The following CTNNBL1 variants were observed in gnomAD, a reference collection of about 807,000 sequenced individuals.
CTNNBL1 encodes the protein catenin beta like 1.
CTNNBL1 carries 31 observed loss-of-function variants against 72.7 expected under a neutral mutation model. That is an observed-to-expected ratio of 0.43 (90% CI 0.32 to 0.58). The LOEUF is 0.58. CTNNBL1 is among the 20% of genes least tolerant of loss of function. CTNNBL1 has a pLI of 0.08. For missense variants in CTNNBL1, 534 were observed against 725.1 expected, an observed-to-expected ratio of 0.74 and a Z score of 3.03; for synonymous variants, 240 against 267.3, an observed-to-expected ratio of 0.90 and a Z score of 1.00.
rs1042937013 is a variant in CTNNBL1, at chr20:37,694,066, G to T, written c.-57G>T. On this transcript the variant is annotated 5_prime_UTR_variant, in exon 1 of 16. Coordinates refer to ENST00000361383, the MANE Select transcript of CTNNBL1 (RefSeq NM_030877.5). ...CAGTGTGGCTGGAGCCGCGGCTGAC[G>T]GGCCCGCGGTCTGGGCGTGAGTGCA... The T allele has an allele frequency of 1.8e-5, 29 of 1,576,078 alleles. No individual in the cohort carries two copies. The highest frequency in any genetic ancestry group is 1.8e-4 in the African/African-American group (13 of 73,524).
intron 11 of CTNNBL1, among the ~76,000 whole-genome samples, chr20:37,836,681 GTGT>G (rs2033251776): frequency 6.6e-6 from 1 of 152,224 alleles, no homozygotes; most frequent in African/African-American, 2.4e-5. Flanking sequence ...TAGGGAGGGT[GTGT>G]TGTTTGTTTA....
intron 10 of CTNNBL1, among the ~76,000 whole-genome samples, chr20:37,786,170 ACCACTGTGG>A (rs1352202015): frequency 2.0e-5 from 3 of 152,124 alleles, no homozygotes; most frequent in African/African-American, 7.2e-5. Flanking sequence ...ACAAGCAAGC[ACCACTGTGG>A]CCACCACTGG....
At chr20:37,858,610 G>A (rs1175871636) in intron 13 of CTNNBL1, among the ~76,000 whole-genome samples, 2 of 146,310 alleles carry the variant, frequency 1.4e-5, no homozygotes, top group African/African-American at 5.0e-5. Flanking sequence ...TTGGGGGATG[G>A]TAAAGATGTT....
At position 37,814,564 on chromosome 20, in the gene CTNNBL1, TC is replaced by T. The variant is rs76181193; in HGVS notation, c.1213+11521del. On this transcript the variant is annotated intron_variant, in intron 11 of 15. Coordinates refer to ENST00000361383, the MANE Select transcript of CTNNBL1 (RefSeq NM_030877.5). Reference sequence around the variant, plus strand: ...AGCATTCTGGCCTTTCTCTCTGTTGTCCCCCTCTTGAGAATGAGACATAAAT... The same window carrying T: ...AGCATTCTGGCCTTTCTCTCTGTTGTCCCCTCTTGAGAATGAGACATAAAT... Among the ~76,000 whole-genome samples the T allele has an allele frequency of 4.2e-3, 644 of 152,282 alleles. 17 individuals carry two copies. In the East Asian group the frequency reaches 0.084, roughly 20 times the overall value.
chr20:37,770,712 G>A (rs767967475), intron 7 of CTNNBL1, among the ~76,000 whole-genome samples: 10 of 152,082 alleles, frequency 6.6e-5, no homozygotes, highest in Non-Finnish European at 1.2e-4. Flanking sequence ...TGTAATCCTC[G>A]GGGCACAAAT....
chr20:37,709,427 A>G (rs1279092921), intron 1 of CTNNBL1, among the ~76,000 whole-genome samples: 1 of 152,228 alleles, frequency 6.6e-6, no homozygotes, highest in African/African-American at 2.4e-5. Flanking sequence ...GTTAAACATT[A>G]GCAGCACACC....
chr20:37,835,659 T>C (rs2072247072), intron 11 of CTNNBL1, among the ~76,000 whole-genome samples: 1 of 152,228 alleles, frequency 6.6e-6, no homozygotes, highest in Non-Finnish European at 1.5e-5. Context: ...TTAAGAATAT[T>C]TGTGCAAAAG....
chr20:37,836,150 T>G (rs1050746972), intron 11 of CTNNBL1, among the ~76,000 whole-genome samples: 1 of 152,196 alleles, frequency 6.6e-6, no homozygotes, highest in Non-Finnish European at 1.5e-5. Context: ...TGTGGTTGTG[T>G]GTAAATTCAT....
intron 13 of CTNNBL1, among the ~76,000 whole-genome samples, chr20:37,853,087 G>A (rs183763954): frequency 6.6e-6 from 1 of 152,242 alleles, no homozygotes; most frequent in African/African-American, 2.4e-5. Context: ...GGGGAAGCTG[G>A]GTGCCTTCTT....
intron 7 of CTNNBL1, among the ~76,000 whole-genome samples, chr20:37,770,066 G>C (rs958788821): frequency 2.6e-5 from 4 of 152,186 alleles, no homozygotes; most frequent in African/African-American, 9.7e-5. Flanking sequence ...CATTTGCCTA[G>C]CAGAGGTCAG....
intron 1 of CTNNBL1, among the ~76,000 whole-genome samples, chr20:37,712,709 C>T (rs1197429240): frequency 6.6e-6 from 1 of 152,240 alleles, no homozygotes; most frequent in Non-Finnish European, 1.5e-5. Flanking sequence ...TGCTGGATCT[C>T]CACTGGGAGT....
At chr20:37,783,419 TCTTA>T (rs904279339) in intron 10 of CTNNBL1, among the ~76,000 whole-genome samples, 3 of 152,144 alleles carry the variant, frequency 2.0e-5, no homozygotes, top group East Asian at 1.9e-4. Context: ...TTTGGTTGGC[TCTTA>T]CTTTTCTAAT....
chr20:37,772,377 G>A (rs1031877470), intron 7 of CTNNBL1, among the ~76,000 whole-genome samples: 5 of 152,278 alleles, frequency 3.3e-5, no homozygotes, highest in East Asian at 1.9e-4. Flanking sequence ...TTGAGACGGA[G>A]TCTCACTCTG....
At chr20:37,858,984 TG>T (rs1371369797) in intron 13 of CTNNBL1, among the ~76,000 whole-genome samples, 1 of 152,184 alleles carries the variant, frequency 6.6e-6, no homozygotes, top group African/African-American at 2.4e-5. Flanking sequence ...GTGTTTAACC[TG>T]ATTTGGAAGG....
chr20:37,807,307 C>T (rs1761071343), intron 11 of CTNNBL1, among the ~76,000 whole-genome samples: 1 of 152,148 alleles, frequency 6.6e-6, no homozygotes, highest in South Asian at 2.1e-4. Context: ...CATAAGAGAC[C>T]TTAAACTGTC....
intron 11 of CTNNBL1, among the ~76,000 whole-genome samples, chr20:37,826,958 C>T (rs2072165654): frequency 6.6e-6 from 1 of 152,190 alleles, no homozygotes; most frequent in African/African-American, 2.4e-5. Context: ...ACAGAACGTT[C>T]CCACCACCCC....
At chr20:37,705,573 A>T (rs2072878390) in intron 1 of CTNNBL1, among the ~76,000 whole-genome samples, 1 of 152,226 alleles carries the variant, frequency 6.6e-6, no homozygotes, top group Non-Finnish European at 1.5e-5. Flanking sequence ...ACAGTTTGTT[A>T]CCCACACATG....
At chr20:37,727,191 C>T (rs748124179) in intron 1 of CTNNBL1, 7 of 190,134 alleles carry the variant, frequency 3.7e-5, no homozygotes, top group Non-Finnish European at 5.8e-5. Context: ...AAACCCAAAG[C>T]TTAGGTTGGA....
intron 11 of CTNNBL1, among the ~76,000 whole-genome samples, chr20:37,828,444 A>G (rs2072179618): frequency 1.3e-5 from 2 of 152,090 alleles, no homozygotes; most frequent in African/African-American, 2.4e-5. Flanking sequence ...GAAAACAATC[A>G]AGTTGTATTA....
Sources: gnomAD v4.1 joint callset for allele counts (sites outside exome capture counted in the v4.1 genomes callset) on GRCh38, gnomAD v4.1.1 for gene constraint, MANE v1.5 for transcripts, NCBI Gene and HGNC (gene_info 2026-07-23, HGNC 2026-07-21) for gene names.